EIF4G3: variants seen among roughly 807,000 people sequenced by gnomAD.
The protein encoded by EIF4G3 is eIF-4-gamma 3.
In EIF4G3, 34 loss-of-function variants were observed where a neutral mutation model predicts 186.4. The observed-to-expected ratio is 0.18, with a 90% confidence interval of 0.14 to 0.24. The LOEUF (loss-of-function observed/expected upper bound fraction) is 0.24, where lower values mean the gene tolerates loss of function less well. EIF4G3 is among the 10% of genes least tolerant of loss of function. The pLI is 1.00. For missense variants in EIF4G3, 1,536 were observed against 1,948.5 expected, an observed-to-expected ratio of 0.79 and a Z score of 3.99; for synonymous variants, 673 against 679.5, an observed-to-expected ratio of 0.99 and a Z score of 0.15.
intron 7 of EIF4G3, among the ~76,000 whole-genome samples, chr1:20,992,449 T>A (rs997320102): frequency 1.3e-5 from 2 of 152,178 alleles, no homozygotes; most frequent in Non-Finnish European, 2.9e-5. Context: ...AAGTTTCTTT[T>A]TCACAAAAAG....
intron 3 of EIF4G3, among the ~76,000 whole-genome samples, chr1:21,088,200 T>G (rs2096061372): frequency 6.6e-6 from 1 of 151,956 alleles, no homozygotes; most frequent in African/African-American, 2.4e-5. Context: ...GCTGAGGTGG[T>G]GGATCACTTG....
intron 3 of EIF4G3, among the ~76,000 whole-genome samples, chr1:21,080,252 G>C (rs1451322208): frequency 1.6e-5 from 1 of 61,406 alleles, no homozygotes; most frequent in Non-Finnish European, 4.5e-5. Context: ...GGAGTTTAAG[G>C]CTGCAGTGAG....
intron 2 of EIF4G3, among the ~76,000 whole-genome samples, chr1:21,172,667 G>A (rs2103081744): frequency 6.6e-6 from 1 of 152,166 alleles, no homozygotes; most frequent in African/African-American, 2.4e-5. Context: ...TCCTGCCTCA[G>A]CCTACCAAGT....
At chr1:20,879,266 T>C (rs1558045894) in intron 20 of EIF4G3, 57 bp downstream of exon 20, 4 of 1,370,466 alleles carry the variant, frequency 2.9e-6, no homozygotes, top group Non-Finnish European at 3.9e-6. Flanking sequence ...GAATGTGTAG[T>C]GAGGGGAGAA....
chr1:21,002,621 T>C, intron 5 of EIF4G3, 92 bp downstream of exon 5: 2 of 1,326,078 alleles, frequency 1.5e-6, no homozygotes, highest in South Asian at 1.6e-5. Context: ...ACTTCCAAAA[T>C]CCAGTAAAAA....
intron 27 of EIF4G3, 99 bp downstream of exon 27, chr1:20,853,461 G>T: frequency 1.5e-6 from 1 of 665,648 alleles, no homozygotes. Context: ...TAAAAGGAAT[G>T]CATCCATAAG....
chr1:20,893,494 A>G, intron 18 of EIF4G3, 23 bp downstream of exon 18: 1 of 1,573,852 alleles, frequency 6.4e-7, no homozygotes, highest in South Asian at 1.1e-5. Context: ...TAACTAAGTG[A>G]GTTGTAGGGA....
intron 29 of EIF4G3, chr1:20,847,757 A>AT (rs759423650): frequency 2.1e-6 from 1 of 471,102 alleles, no homozygotes; most frequent in Non-Finnish European, 4.4e-6. Flanking sequence ...TTTCCCGTTA[A>AT]TGTTCATTTA....
chr1:21,094,516 C>T (rs1365476165), intron 2 of EIF4G3, among the ~76,000 whole-genome samples: 2 of 150,154 alleles, frequency 1.3e-5, no homozygotes, highest in South Asian at 2.1e-4. Flanking sequence ...GAAACTATCG[C>T]AAAGACAGAA....
At chr1:21,020,168 T>C (rs2154570757) in intron 4 of EIF4G3, among the ~76,000 whole-genome samples, 1 of 152,230 alleles carries the variant, frequency 6.6e-6, no homozygotes, top group Admixed American at 6.5e-5. Flanking sequence ...AACTCAGGCT[T>C]TGAGGCCCAG....
intron 4 of EIF4G3, among the ~76,000 whole-genome samples, chr1:21,023,325 G>A (rs1033270266): frequency 1.4e-5 from 2 of 142,016 alleles, no homozygotes; most frequent in African/African-American, 5.2e-5. Flanking sequence ...CGGAGCCAAA[G>A]CTGGACTGTA....
intron 20 of EIF4G3, among the ~76,000 whole-genome samples, chr1:20,868,082 G>A (rs767054641): frequency 3.5e-5 from 1 of 28,584 alleles, no homozygotes; most frequent in Non-Finnish European, 8.9e-5. Flanking sequence ...GTGATTCATG[G>A]TGATTTTCTT....
At chr1:21,056,201 A>G (rs2154578082) in intron 3 of EIF4G3, among the ~76,000 whole-genome samples, 1 of 152,326 alleles carries the variant, frequency 6.6e-6, no homozygotes. Flanking sequence ...GATATTCTAA[A>G]AAGGCACTTC....
intron 12 of EIF4G3, among the ~76,000 whole-genome samples, chr1:20,951,753 G>A (rs1294407640): frequency 1.9e-5 from 1 of 52,824 alleles, no homozygotes; most frequent in Non-Finnish European, 5.3e-5. Flanking sequence ...CAAATAAAAA[G>A]GGGGGGGCAG....
At chr1:20,981,277 A>G (rs1364183894) in intron 8 of EIF4G3, 50 bp from the exon 9 acceptor site, 1 of 1,255,080 alleles carries the variant, frequency 8.0e-7, no homozygotes, top group African/African-American at 1.5e-5. Flanking sequence ...ACACAGGGGA[A>G]TATATAAATT....
chr1:20,816,995 G>A (rs1038189800), intron 34 of EIF4G3, among the ~76,000 whole-genome samples: 16 of 145,278 alleles, frequency 1.1e-4, no homozygotes, highest in African/African-American at 4.1e-4. Flanking sequence ...GGGTTAAATG[G>A]ATTAAGGGCG....
At chr1:20,847,681 G>C (rs1031436922) in intron 29 of EIF4G3, 1 of 407,210 alleles carries the variant, frequency 2.5e-6, no homozygotes, top group Non-Finnish European at 5.0e-6. Context: ...CAATTTATAA[G>C]AATACCCCTA....
intron 2 of EIF4G3, among the ~76,000 whole-genome samples, chr1:21,101,928 G>A (rs1277636325): frequency 2.6e-5 from 4 of 151,904 alleles, no homozygotes; most frequent in Non-Finnish European, 5.9e-5. Flanking sequence ...TGAGAGCTCG[G>A]CCATCTGTTA....
intron 6 of EIF4G3, chr1:20,998,954 T>A: frequency 3.7e-6 from 1 of 269,242 alleles, no homozygotes. Flanking sequence ...GATTGAAGAT[T>A]AAGAAACAAT....
Sources: gnomAD v4.1 joint callset for allele counts (sites outside exome capture counted in the v4.1 genomes callset) on GRCh38, gnomAD v4.1.1 for gene constraint, MANE v1.5 for transcripts, NCBI Gene and HGNC (gene_info 2026-07-23, HGNC 2026-07-21) for gene names.